The following PDE4D variants were observed in gnomAD, a reference collection of about 807,000 sequenced individuals.
PDE4D encodes phosphodiesterase 4D.
PDE4D carries 24 observed loss-of-function variants against 87.4 expected under a neutral mutation model. That is an observed-to-expected ratio of 0.27 (90% CI 0.20 to 0.39). PDE4D has a LOEUF of 0.39. Ranked by LOEUF, PDE4D falls within the 10% of genes least tolerant of loss-of-function variation. The pLI, the probability that PDE4D is intolerant of heterozygous loss-of-function variation, is 1.00. For synonymous variants in PDE4D, 384 were observed against 383.2 expected, an observed-to-expected ratio of 1.00 and a Z score of -0.02; for missense variants, 714 against 1,041.0, an observed-to-expected ratio of 0.69 and a Z score of 4.32.
intron 1 of PDE4D, among the ~76,000 whole-genome samples, chr5:59,864,144 T>G (rs769609920): frequency 1.3e-5 from 2 of 152,146 alleles, no homozygotes; most frequent in African/African-American, 2.4e-5. Context: ...TGGGCATTAG[T>G]GCGATGTGCG....
chr5:59,200,022 T>C (rs940534386), intron 2 of PDE4D, among the ~76,000 whole-genome samples: 3 of 142,730 alleles, frequency 2.1e-5, no homozygotes, highest in Admixed American at 7.2e-5. Context: ...TACATGCACA[T>C]ATACATACAT....
At chr5:60,164,329 A>G (rs1183882710) in intron 2 of PDE4D, among the ~76,000 whole-genome samples, 3 of 152,180 alleles carry the variant, frequency 2.0e-5, no homozygotes, top group African/African-American at 7.2e-5. Context: ...GGCACTGGTC[A>G]ACAAATAAAC....
chr5:59,634,290 G>C (rs543053750), intron 1 of PDE4D, among the ~76,000 whole-genome samples: 2 of 152,280 alleles, frequency 1.3e-5, no homozygotes, highest in South Asian at 4.1e-4. Flanking sequence ...ACTAGTGGGA[G>C]ACTTTAACAC....
At chr5:60,000,103 T>C (rs1763889108) in intron 2 of PDE4D, among the ~76,000 whole-genome samples, 1 of 151,664 alleles carries the variant, frequency 6.6e-6, no homozygotes, top group East Asian at 1.9e-4. Context: ...CACCATCAAG[T>C]GTTCCAACAT....
intron 1 of PDE4D, among the ~76,000 whole-genome samples, chr5:60,200,808 A>T (rs2149544269): frequency 6.6e-6 from 1 of 152,316 alleles, no homozygotes; most frequent in African/African-American, 2.4e-5. Flanking sequence ...GGAATGTGAG[A>T]AGAGTTTAAT....
rs1443083864 is a variant in PDE4D at position 58,971,243 on chromosome 5, T to C, written c.*3421A>G. On this transcript the variant is annotated 3_prime_UTR_variant, in exon 15 of 15. Transcript: ENST00000340635. ...ACCTGCAGCTATGTTTTTTTAAATT[T>C]ATATATCTTTAAGTATTTTATAGTT... 1 of 152,468 alleles carries C rather than the reference T, an allele frequency of 6.6e-6. No individual in the cohort carries two copies. The highest frequency in any genetic ancestry group is 1.5e-5 in the Non-Finnish European group (1 of 68,038). The allele number at this position is 152,468 out of a possible 1,614,324, so 9.4% of individuals were successfully genotyped here. A position where few individuals can be genotyped will look rare whatever the true frequency, so the allele number is the denominator to read the frequency against.
intron 2 of PDE4D, among the ~76,000 whole-genome samples, chr5:60,171,646 C>T (rs1231245124): frequency 2.0e-5 from 3 of 152,024 alleles, no homozygotes; most frequent in African/African-American, 7.2e-5. Context: ...TCTGAATGAC[C>T]ATCCTCTAAT....
chr5:59,833,799 G>A (rs192146940), intron 1 of PDE4D, among the ~76,000 whole-genome samples: 63 of 152,058 alleles, frequency 4.1e-4, no homozygotes, highest in Admixed American at 1.2e-3. Flanking sequence ...CTATGCTCAA[G>A]CATCACATAT....
At chr5:60,466,544 C>A (rs1583855162) in intron 1 of PDE4D, among the ~76,000 whole-genome samples, 1 of 152,160 alleles carries the variant, frequency 6.6e-6, no homozygotes, top group Admixed American at 6.5e-5. Context: ...TAACATTTTA[C>A]AAATGCATCT....
At chr5:60,014,939 C>A (rs1007818655) in intron 2 of PDE4D, among the ~76,000 whole-genome samples, 3 of 152,126 alleles carry the variant, frequency 2.0e-5, no homozygotes, top group African/African-American at 7.2e-5. Context: ...GAACAGGATC[C>A]TTTTCAGGAA....
At position 58,972,094 on chromosome 5, in the gene PDE4D, CTTT is replaced by C. The variant is rs1316666731; in HGVS notation, c.*2567_*2569del. 4 of 152,434 alleles carry C rather than the reference CTTT, an allele frequency of 2.6e-5. No homozygotes were observed. Among genetic ancestry groups the C allele is most frequent in the Non-Finnish European group, 4.4e-5 (3 of 67,992 alleles). 9.4% of individuals were successfully genotyped at this position (152,434 alleles called of 1,614,324 possible). The stretch of plus-strand genomic sequence containing the variant: ...TGGATTTGTTAATGACATATTGCTG[CTTT>C]TTATTTTATTCATTATTAAGATTCT... On this transcript the variant is annotated 3_prime_UTR_variant, in exon 15 of 15. Coordinates refer to ENST00000340635, the MANE Select transcript of PDE4D (RefSeq NM_001104631.2).
chr5:60,481,258 C>CT lies in PDE4D; in HGVS notation c.-90+6683dup, dbSNP rs749135933. Among the ~76,000 whole-genome samples the CT allele has an allele frequency of 3.4e-4, 51 of 152,030 alleles. 1 individual carries two copies. Among genetic ancestry groups the CT allele is most frequent in the African/African-American group, 1.0e-3 (43 of 41,482 alleles). ...TAAAATTGGTTTGACAGGCTTATGACTTTTATTGAAACTGATGTTTTATTA... is the reference window on the plus strand; with the variant it reads ...TAAAATTGGTTTGACAGGCTTATGACTTTTTATTGAAACTGATGTTTTATTA... On this transcript the variant is annotated intron_variant, in intron 1 of 16. Transcript: ENST00000502484.
intron 1 of PDE4D, among the ~76,000 whole-genome samples, chr5:59,616,207 T>A (rs937629076): frequency 2.6e-5 from 4 of 151,834 alleles, no homozygotes; most frequent in African/African-American, 9.7e-5. Flanking sequence ...AATAATCTCA[T>A]CTGATTTTAA....
At chr5:59,006,637 T>C (rs1751680150) in intron 6 of PDE4D, among the ~76,000 whole-genome samples, 1 of 152,186 alleles carries the variant, frequency 6.6e-6, no homozygotes, top group African/African-American at 2.4e-5. Flanking sequence ...TTCAGACTTT[T>C]CCTAGAAATA....
At chr5:60,234,122 A>T (rs909420670) in intron 1 of PDE4D, among the ~76,000 whole-genome samples, 21 of 151,850 alleles carry the variant, frequency 1.4e-4, no homozygotes, top group African/African-American at 5.1e-4. Flanking sequence ...CAAACCTCCC[A>T]GCTGTCGGAA....
chr5:60,056,448 C>T (rs1205206541), intron 2 of PDE4D, among the ~76,000 whole-genome samples: 1 of 151,904 alleles, frequency 6.6e-6, no homozygotes, highest in South Asian at 2.1e-4. Flanking sequence ...CCACAGGGAT[C>T]AGTGTTTTTA....
At chr5:59,656,149 C>T (rs1318250846) in intron 1 of PDE4D, among the ~76,000 whole-genome samples, 1 of 152,152 alleles carries the variant, frequency 6.6e-6, no homozygotes, top group East Asian at 1.9e-4. Context: ...CAGACACACA[C>T]ATCCCACATA....
At position 59,538,654 on chromosome 5, in the gene PDE4D, C is replaced by T. The variant is rs78993665; in HGVS notation, c.456-322686G>A. 1.1e-3 allele frequency among the ~76,000 whole-genome samples: 168 copies of T among 152,256 alleles called. 3 individuals carry two copies. In the East Asian group the frequency reaches 0.027, roughly 24 times the overall value. ...TGGTCTCCTTTCCTTCAGCACTGTC[C>T]TTCCCCAATACACTCTCTACAGCAC... On this transcript the variant is annotated intron_variant, in intron 1 of 14. Coordinates refer to ENST00000340635, the MANE Select transcript of PDE4D (RefSeq NM_001104631.2).
intron 1 of PDE4D, among the ~76,000 whole-genome samples, chr5:60,259,339 T>C (rs1303864580): frequency 6.6e-6 from 1 of 152,090 alleles, no homozygotes; most frequent in East Asian, 1.9e-4. Context: ...GAAGAAAATG[T>C]CGTGGCATTT....
Sources: allele counts gnomAD v4.1 joint callset (sites outside exome capture counted in the v4.1 genomes callset), GRCh38; gene constraint gnomAD v4.1.1; transcripts MANE v1.5; gene names NCBI Gene and HGNC (gene_info 2026-07-23, HGNC 2026-07-21).